The following GRM8 variants were observed in gnomAD, a reference collection of about 807,000 sequenced individuals.
GRM8 encodes the protein glutamate metabotropic receptor 8.
In GRM8, 47 loss-of-function variants were observed where a neutral mutation model predicts 87.2. The observed-to-expected ratio is 0.54, with a 90% CI of 0.43 to 0.69. The LOEUF is 0.69. Ranked by LOEUF, GRM8 falls within the 30% of genes least tolerant of loss-of-function variation. The pLI, the probability that GRM8 is intolerant of heterozygous loss-of-function variation, is 0.00. For synonymous variants in GRM8, 396 were observed against 404.5 expected, an observed-to-expected ratio of 0.98 and a Z score of 0.25; for missense variants, 1,019 against 1,139.2, an observed-to-expected ratio of 0.89 and a Z score of 1.52.
intron 3 of GRM8, among the ~76,000 whole-genome samples, chr7:126,913,166 G>T (rs13311583): frequency 4.6e-5 from 7 of 152,158 alleles, no homozygotes; most frequent in African/African-American, 1.7e-4. Context: ...AACTTATTGG[G>T]ATGAAATTAC....
chr7:126,903,737 A>ATATATATATGTATATGTG (rs1802382514), intron 5 of GRM8, among the ~76,000 whole-genome samples: 6 of 123,656 alleles, frequency 4.9e-5, no homozygotes, highest in African/African-American at 2.0e-4. Flanking sequence ...GTATATGTGT[A>ATATATATATGTATATGTG]TATATATATG....
chr7:127,169,740 T>TC (rs1793678727), intron 2 of GRM8, among the ~76,000 whole-genome samples: 1 of 152,172 alleles, frequency 6.6e-6, no homozygotes, highest in African/African-American at 2.4e-5. Context: ...GTTTTGAAAA[T>TC]CCTAGGGCCC....
intron 3 of GRM8, among the ~76,000 whole-genome samples, chr7:126,936,012 A>G (rs1806274771): frequency 6.6e-6 from 1 of 152,188 alleles, no homozygotes; most frequent in South Asian, 2.1e-4. Flanking sequence ...GACAAACATT[A>G]CCACTACCAA....
rs556931582 is a variant in GRM8 at position 126,665,066 on chromosome 7, C to A, written c.1358-55568G>T. 1.3e-3 allele frequency among the ~76,000 whole-genome samples: 203 copies of A among 152,202 alleles called. 1 individual carries two copies. The highest frequency in any genetic ancestry group is 4.7e-3 in the African/African-American group (194 of 41,554). ...ATGCAAATCAAAACTACATGAGATA[C>A]CATCTCACACCAGTCAGAATGGCTA... On this transcript the variant is annotated intron_variant, in intron 7 of 10. Transcript: ENST00000339582.
At chr7:126,941,957 A>G (rs1806993489) in intron 3 of GRM8, among the ~76,000 whole-genome samples, 1 of 152,244 alleles carries the variant, frequency 6.6e-6, no homozygotes, top group African/African-American at 2.4e-5. Flanking sequence ...GTTTATAATT[A>G]AAATGCACTT....
intron 9 of GRM8, among the ~76,000 whole-genome samples, chr7:126,452,804 A>G (rs1802776595): frequency 6.6e-6 from 1 of 151,766 alleles, no homozygotes; most frequent in Non-Finnish European, 1.5e-5. Flanking sequence ...TCTGCCCTCA[A>G]AACAAGTTAA....
At chr7:126,819,875 T>G (rs950791) in intron 6 of GRM8, among the ~76,000 whole-genome samples, 1 of 152,068 alleles carries the variant, frequency 6.6e-6, no homozygotes, top group East Asian at 1.9e-4. Context: ...ATCAGCTTTT[T>G]CAATTAAAAA....
At chr7:127,247,610 C>A (rs1654384034) in intron 1 of GRM8, among the ~76,000 whole-genome samples, 1 of 152,082 alleles carries the variant, frequency 6.6e-6, no homozygotes, top group African/African-American at 2.4e-5. Flanking sequence ...GAGGATGGGG[C>A]AGACAGAGCT....
chr7:126,668,583 T>G (rs1038418170), intron 7 of GRM8, among the ~76,000 whole-genome samples: 2 of 152,116 alleles, frequency 1.3e-5, no homozygotes, highest in Non-Finnish European at 1.5e-5. Context: ...AGCCACTGGC[T>G]GGTTCGCAGC....
intron 6 of GRM8, among the ~76,000 whole-genome samples, chr7:126,850,846 C>G (rs1388079018): frequency 5.3e-5 from 8 of 152,150 alleles, no homozygotes; most frequent in Non-Finnish European, 8.8e-5. Context: ...TTATGGGCAA[C>G]AGGGGAACAC....
intron 3 of GRM8, among the ~76,000 whole-genome samples, chr7:126,978,593 T>C (rs968405618): frequency 6.6e-6 from 1 of 152,188 alleles, no homozygotes; most frequent in African/African-American, 2.4e-5. Flanking sequence ...GCTTGGGAGC[T>C]ACTGATCACT....
chr7:126,578,366 A>C (rs533644657), intron 8 of GRM8, among the ~76,000 whole-genome samples: 1 of 152,306 alleles, frequency 6.6e-6, no homozygotes, highest in Non-Finnish European at 1.5e-5. Flanking sequence ...ATAACAGAAA[A>C]GAGAAGGATA....
intron 3 of GRM8, among the ~76,000 whole-genome samples, chr7:127,086,328 C>T (rs1178878912): frequency 6.6e-6 from 1 of 152,194 alleles, no homozygotes; most frequent in African/African-American, 2.4e-5. Context: ...TCTCGATCTC[C>T]TGACCTCGTG....
chr7:126,776,413 T>C (rs902469434), intron 6 of GRM8, among the ~76,000 whole-genome samples: 2 of 152,152 alleles, frequency 1.3e-5, no homozygotes, highest in Non-Finnish European at 2.9e-5. Flanking sequence ...ATGAACAGTT[T>C]GAAAAATCAG....
intron 2 of GRM8, among the ~76,000 whole-genome samples, chr7:127,117,123 T>C (rs1428354734): frequency 6.6e-6 from 1 of 152,212 alleles, no homozygotes. Context: ...CTCTAATATT[T>C]GTTTCCTTCC....
At chr7:126,923,346 C>A (rs1804741418) in intron 3 of GRM8, among the ~76,000 whole-genome samples, 1 of 152,150 alleles carries the variant, frequency 6.6e-6, no homozygotes, top group South Asian at 2.1e-4. Flanking sequence ...TAAGTCAACA[C>A]TAACCTACTA....
chr7:126,944,426 A>G (rs183079340), intron 3 of GRM8, among the ~76,000 whole-genome samples: 1 of 152,322 alleles, frequency 6.6e-6, no homozygotes, highest in East Asian at 1.9e-4. Flanking sequence ...TAAACTAGAT[A>G]CTTGACCCAT....
chr7:126,820,767 C>T (rs1794222454), intron 6 of GRM8, among the ~76,000 whole-genome samples: 1 of 152,144 alleles, frequency 6.6e-6, no homozygotes, highest in Non-Finnish European at 1.5e-5. Context: ...TGCCATCTTC[C>T]TCCTATGAGC....
chr7:126,639,777 A>T (rs35248039), intron 7 of GRM8, among the ~76,000 whole-genome samples: 1 of 152,216 alleles, frequency 6.6e-6, no homozygotes, highest in African/African-American at 2.4e-5. Flanking sequence ...GATTTTCATT[A>T]GCCAGTTCTG....
Sources: allele counts gnomAD v4.1 joint callset (sites outside exome capture counted in the v4.1 genomes callset), GRCh38; gene constraint gnomAD v4.1.1; transcripts MANE v1.5; gene names NCBI Gene and HGNC (gene_info 2026-07-23, HGNC 2026-07-21).